Variants in ARHGAP18 observed in about 807,000 individuals in gnomAD.
ARHGAP18 encodes the protein rho GTPase-activating protein 18.
In ARHGAP18, 67 loss-of-function variants were observed where a neutral mutation model predicts 86.2. The ratio of observed to expected loss-of-function variants is 0.78; its 90% CI spans 0.64 to 0.95. The LOEUF (loss-of-function observed/expected upper bound fraction) is 0.95, where lower values mean the gene tolerates loss of function less well. ARHGAP18 is among the 40% of genes least tolerant of loss of function. ARHGAP18 has a pLI of 0.00. For missense variants in ARHGAP18, 691 were observed against 780.4 expected (o/e 0.89, Z 1.37); for synonymous variants, 283 against 280.4 (o/e 1.01, Z -0.09).
At chr6:129,586,132 C>T (rs537300593) in intron 12 of ARHGAP18, among the ~76,000 whole-genome samples, 7 of 152,306 alleles carry the variant, frequency 4.6e-5, no homozygotes, top group Admixed American at 4.6e-4. Context: ...CCATGAACTT[C>T]TCCCTTGGGT....
At chr6:129,680,756 T>C (rs1210695001) in intron 1 of ARHGAP18, among the ~76,000 whole-genome samples, 2 of 152,224 alleles carry the variant, frequency 1.3e-5, no homozygotes, top group Non-Finnish European at 2.9e-5. Context: ...CTCCTTATAG[T>C]TGCTTTTCCT....
intron 1 of ARHGAP18, among the ~76,000 whole-genome samples, chr6:129,700,096 C>T (rs1358655561): frequency 6.6e-6 from 1 of 152,266 alleles, no homozygotes; most frequent in African/African-American, 2.4e-5. Context: ...AACTCTGCCC[C>T]ATGAAACATC....
intron 1 of ARHGAP18, among the ~76,000 whole-genome samples, chr6:129,690,741 C>T (rs1421491028): frequency 6.6e-6 from 1 of 152,124 alleles, no homozygotes; most frequent in African/African-American, 2.4e-5. Context: ...ATTTCACCAG[C>T]TTAATAACGT....
Position 129,664,171 on chromosome 6 carries a change from C to T in ARHGAP18, c.114-22153G>A, listed in dbSNP as rs556087827. Among the ~76,000 whole-genome samples the T allele has an allele frequency of 3.3e-5, 5 of 152,298 alleles. No individual in the cohort carries two copies. In the South Asian group the frequency reaches 6.2e-4, roughly 19 times the overall value. ...ATTAAAATGGCATGACTCATTATCT[C>T]GAACCCATCACCAATGATTGGCATC... is the stretch of plus-strand genomic sequence containing the variant. On this transcript the variant is annotated intron_variant, in intron 1 of 14. Coordinates refer to ENST00000368149, the MANE Select transcript of ARHGAP18 (RefSeq NM_033515.3).
At chr6:129,630,383 C>A (rs1021541274) in intron 4 of ARHGAP18, among the ~76,000 whole-genome samples, 2 of 151,982 alleles carry the variant, frequency 1.3e-5, no homozygotes, top group African/African-American at 2.4e-5. Context: ...AGAAAAAAAC[C>A]TAAAGCCAAG....
intron 5 of ARHGAP18, among the ~76,000 whole-genome samples, chr6:129,623,832 C>T (rs1023050004): frequency 6.6e-6 from 1 of 152,148 alleles, no homozygotes; most frequent in Non-Finnish European, 1.5e-5. Flanking sequence ...AGCATGCAAC[C>T]TAAATCAAAG....
intron 5 of ARHGAP18, among the ~76,000 whole-genome samples, chr6:129,623,012 A>C (rs977502443): frequency 2.7e-5 from 4 of 147,844 alleles, no homozygotes; most frequent in African/African-American, 1.0e-4. Context: ...AAAACAAAAA[A>C]AAAAAAAAAA....
chr6:129,667,161 A>G (rs1358947776), intron 1 of ARHGAP18, among the ~76,000 whole-genome samples: 1 of 152,098 alleles, frequency 6.6e-6, no homozygotes, highest in Non-Finnish European at 1.5e-5. Flanking sequence ...GAAGTAGGGG[A>G]ACCTACACTG....
chr6:129,650,085 T>A (rs1716821275), intron 1 of ARHGAP18, among the ~76,000 whole-genome samples: 1 of 150,940 alleles, frequency 6.6e-6, no homozygotes, highest in Admixed American at 6.6e-5. Context: ...GCTAATTTTT[T>A]TTTTTTTTTT....
At chr6:129,583,497 C>T (rs146201643) in intron 13 of ARHGAP18, among the ~76,000 whole-genome samples, 5 of 152,238 alleles carry the variant, frequency 3.3e-5, no homozygotes, top group Admixed American at 1.3e-4. Context: ...GAGACTTCAG[C>T]GCTCAAAGGC....
intron 10 of ARHGAP18, among the ~76,000 whole-genome samples, 198 bp downstream of exon 10, chr6:129,605,679 A>T (rs1223253170): frequency 6.6e-6 from 1 of 152,224 alleles, no homozygotes; most frequent in African/African-American, 2.4e-5. Flanking sequence ...TAAAAAAAAC[A>T]AAAACTTAAT....
At chr6:129,649,619 G>A (rs1326767710) in intron 1 of ARHGAP18, among the ~76,000 whole-genome samples, 3 of 145,360 alleles carry the variant, frequency 2.1e-5, no homozygotes, top group Admixed American at 6.9e-5. Context: ...GTTTTTCAGT[G>A]TTCACCCACT....
chr6:129,596,884 A>G (rs1352326877), intron 12 of ARHGAP18: 1 of 152,206 alleles, frequency 6.6e-6, no homozygotes, highest in Non-Finnish European at 1.5e-5. Flanking sequence ...TCTTACTGCC[A>G]GAAGATGAGG....
intron 10 of ARHGAP18, among the ~76,000 whole-genome samples, chr6:129,605,191 C>G (rs1788827174): frequency 6.6e-6 from 1 of 152,030 alleles, no homozygotes; most frequent in South Asian, 2.1e-4. Context: ...ACTCTATAAA[C>G]TCTGCTGTTA....
At chr6:129,625,347 G>A (rs182114230) in intron 5 of ARHGAP18, among the ~76,000 whole-genome samples, 2 of 62,682 alleles carry the variant, frequency 3.2e-5, no homozygotes, top group African/African-American at 1.8e-4. Context: ...ATATTTATAT[G>A]TAATATATAT....
intron 8 of ARHGAP18, among the ~76,000 whole-genome samples, chr6:129,609,804 C>A (rs973358321): frequency 6.6e-6 from 1 of 151,974 alleles, no homozygotes; most frequent in Non-Finnish European, 1.5e-5. Context: ...TCAGGTTACT[C>A]GAATCCTATT....
intron 1 of ARHGAP18, among the ~76,000 whole-genome samples, chr6:129,681,031 C>A (rs1362151930): frequency 6.6e-6 from 1 of 152,134 alleles, no homozygotes; most frequent in African/African-American, 2.4e-5. Flanking sequence ...GAATTGCTGC[C>A]ATTCTAGAAT....
chr6:129,612,955 C>T (rs879764478), intron 7 of ARHGAP18, among the ~76,000 whole-genome samples: 1 of 151,972 alleles, frequency 6.6e-6, no homozygotes, highest in African/African-American at 2.4e-5. Context: ...TGGAGTAGGC[C>T]GGGCATGGTG....
intron 5 of ARHGAP18, among the ~76,000 whole-genome samples, chr6:129,625,955 T>TTTATATATTATATATTA (rs1789452891): frequency 3.2e-5 from 2 of 63,072 alleles, no homozygotes; most frequent in African/African-American, 4.8e-5. Flanking sequence ...TATTTATATA[T>TTTATATATTATATATTA]TATATATTTA....
Sources: gnomAD v4.1 joint callset for allele counts (sites outside exome capture counted in the v4.1 genomes callset) on GRCh38, gnomAD v4.1.1 for gene constraint, MANE v1.5 for transcripts, NCBI Gene and HGNC (gene_info 2026-07-23, HGNC 2026-07-21) for gene names.